Variants in SLC16A3 observed in about 807,000 individuals in gnomAD.
SLC16A3 encodes the protein monocarboxylate transporter 4.
In SLC16A3, 22 loss-of-function variants were observed where a neutral mutation model predicts 25.0. The observed-to-expected ratio is 0.88, with a 90% CI of 0.63 to 1.26. SLC16A3 has a LOEUF of 1.26. SLC16A3 is among the 50% of genes most tolerant of loss of function. SLC16A3 has a pLI of 0.00. For synonymous variants in SLC16A3, 390 were observed against 309.2 expected (o/e 1.26, Z -2.74); for missense variants, 731 against 666.6 (o/e 1.10, Z -1.06).
Position 82,237,371 on chromosome 17 carries a change from G to T in SLC16A3, c.601G>T (p.Val201Leu), listed in dbSNP as rs372377440. 904 of 1,542,242 alleles carry T rather than the reference G, an allele frequency of 5.9e-4. No individual in the cohort carries two copies. The highest frequency in any genetic ancestry group is 8.7e-4 in the Middle Eastern group (5 of 5,726). ...CVCAALMRPL[V>L]VTAQPGSGPP... is the part of the protein sequence containing the mutation. ...GTGTGCCGCACTCATGAGGCCCCTG[G>T]TGGTCACGGCCCAGCCGGGCTCGGG... The change falls in exon 4 of 5, where the codon GTG (valine) becomes TTG (leucine). Residue 201 changes from valine to leucine, a missense_variant. Transcript: ENST00000582743.
At chr17:82,226,907 C>T (rs2050425894), upstream of SLC16A3, among the ~76,000 whole-genome samples, 1 of 152,116 alleles carries the variant, frequency 6.6e-6, no homozygotes, top group African/African-American at 2.4e-5. Flanking sequence ...ACCTGGCAGG[C>T]CCCCAGCCCC....
At chr17:82,222,997 G>C (rs1227148081) in intron 1 of SLC16A3, among the ~76,000 whole-genome samples, 2 of 152,060 alleles carry the variant, frequency 1.3e-5, no homozygotes, top group African/African-American at 2.4e-5. Context: ...GGGGAAGGGG[G>C]GGTGCTGTGG....
intron 4 of SLC16A3, 93 bp from the exon 5 acceptor site, chr17:82,238,609 C>G: frequency 7.7e-7 from 1 of 1,305,572 alleles, no homozygotes; most frequent in African/African-American, 1.5e-5. Context: ...GTGACCCTTG[C>G]GTGCTGAGAC....
Position 82,238,745 on chromosome 17 carries a change from C to G in SLC16A3, c.1167C>G (p.Ile389Met). 1 of 1,612,506 alleles carries G rather than the reference C, an allele frequency of 6.2e-7. No homozygotes were observed. Among genetic ancestry groups the G allele is most frequent in the Non-Finnish European group, 8.5e-7 (1 of 1,179,870 alleles). Residue 389 changes from isoleucine (I) to methionine (M), a missense_variant, in exon 5 of 5, where the codon ATC becomes ATG. Coordinates refer to ENST00000582743, the MANE Select transcript of SLC16A3 (RefSeq NM_004207.4). ...DATHVYMYVF[I>M]LAGAEVLTSS... ...CCCACGTCTACATGTACGTGTTCAT[C>G]CTGGCGGGGGCCGAGGTGCTCACCT... is the stretch of plus-strand genomic sequence containing the variant.
rs150129067 is a variant in SLC16A3, at chr17:82,236,029, C to T, written c.21C>T (p.Asp7=). 3.0e-5 allele frequency: 48 copies of T among 1,612,134 alleles called. No individual in the cohort carries two copies. In the African/African-American group the frequency reaches 5.3e-4, roughly 18 times the overall value. Residue 7 remains aspartate (D), a synonymous_variant, in exon 2 of 5, where the codon GAC becomes GAT. Transcript: ENST00000582743. The part of the protein sequence containing the change: MGGAVV[D]EGPTGVKAPD... Reference sequence around the variant, plus strand: ...TGGCCATGGGAGGGGCCGTGGTGGACGAGGGCCCCACAGGCGTCAAGGCCC... The same window carrying T: ...TGGCCATGGGAGGGGCCGTGGTGGATGAGGGCCCCACAGGCGTCAAGGCCC...
intron 1 of SLC16A3, among the ~76,000 whole-genome samples, chr17:82,221,319 G>A (rs2050387823): frequency 6.6e-6 from 1 of 152,220 alleles, no homozygotes; most frequent in African/African-American, 2.4e-5. Flanking sequence ...CAGCATTTTG[G>A]GAGGCTGAGG....
At chr17:82,229,147 G>C (rs2050453878) in intron 1 of SLC16A3, 41 bp downstream of exon 1, 1 of 151,580 alleles carries the variant, frequency 6.6e-6, no homozygotes, top group Non-Finnish European at 1.5e-5. Flanking sequence ...CCGGGGCCCA[G>C]GAGCTCCCCC....
chr17:82,236,571 C>A, intron 2 of SLC16A3, 158 bp from the exon 3 acceptor site: 2 of 1,058,160 alleles, frequency 1.9e-6, no homozygotes, highest in Non-Finnish European at 2.7e-6. Flanking sequence ...GTCATCATGG[C>A]CTGCGCTCGG....
chr17:82,218,049 T>C (rs916714827), exon 1 of SLC16A3, among the ~76,000 whole-genome samples: 1 of 152,196 alleles, frequency 6.6e-6, no homozygotes, highest in Non-Finnish European at 1.5e-5. Context: ...TGTGCCTCCA[T>C]GTGCCAGGTT....
At chr17:82,228,101 C>T (rs547333223), upstream of SLC16A3, among the ~76,000 whole-genome samples, 677 of 152,348 alleles carry the variant, frequency 4.4e-3, 3 homozygotes, top group African/African-American at 0.015. Context: ...CCAGTTAAAG[C>T]ATTCCTGTGG....
Position 82,239,850 on chromosome 17 carries a change from T to C in SLC16A3, c.*874T>C, listed in dbSNP as rs918138112. Reference sequence around the variant, plus strand: ...GTGGTCAGTGCCCAGGGCTGGTCTTTGCACCCTGTCCTCCATCCAGCCCGG... The same window carrying C: ...GTGGTCAGTGCCCAGGGCTGGTCTTCGCACCCTGTCCTCCATCCAGCCCGG... On this transcript the variant is annotated 3_prime_UTR_variant, in exon 5 of 5. Coordinates refer to ENST00000582743, the MANE Select transcript of SLC16A3 (RefSeq NM_004207.4). 2.0e-6 allele frequency: 1 copy of C among 499,100 alleles called. No individual in the cohort carries two copies. The highest frequency in any genetic ancestry group is 3.5e-5 in the East Asian group (1 of 28,424). 30.9% of individuals were successfully genotyped at this position (499,100 alleles called of 1,614,324 possible).
At chr17:82,227,932 C>T (rs1037440933), upstream of SLC16A3, among the ~76,000 whole-genome samples, 1 of 152,200 alleles carries the variant, frequency 6.6e-6, no homozygotes, top group Non-Finnish European at 1.5e-5. Flanking sequence ...CAAGGCTGGG[C>T]TGCAGATGGA....
chr17:82,219,787 G>A (rs958706436), intron 1 of SLC16A3, among the ~76,000 whole-genome samples: 7 of 152,120 alleles, frequency 4.6e-5, no homozygotes, highest in African/African-American at 1.4e-4. Flanking sequence ...CATGGGCTGC[G>A]CTGTTCCCAC....
intron 1 of SLC16A3, chr17:82,230,983 C>G (rs1280950481): frequency 1.3e-5 from 2 of 152,282 alleles, no homozygotes; most frequent in Admixed American, 6.5e-5. Context: ...TCGGCCCCGC[C>G]CTGTGGCTTC....
At chr17:82,235,455 C>A in intron 1 of SLC16A3, 1 of 163,302 alleles carries the variant, frequency 6.1e-6, no homozygotes, top group Admixed American at 5.7e-5. Context: ...TCCACTGAAG[C>A]CAAAGTGGGC....
intron 2 of SLC16A3, 115 bp from the exon 3 acceptor site, chr17:82,236,614 G>A (rs1352459056): frequency 8.9e-6 from 13 of 1,454,598 alleles, no homozygotes; most frequent in South Asian, 2.5e-5. Flanking sequence ...CTGGTGCCCC[G>A]CGGGGGGAGG....
chr17:82,234,169 T>A (rs1044800096), intron 1 of SLC16A3: 2 of 152,254 alleles, frequency 1.3e-5, no homozygotes, highest in Non-Finnish European at 2.9e-5. Context: ...TATCTTGTAG[T>A]TACCCTGCTG....
rs933127280 is a variant in SLC16A3, at chr17:82,237,197, A to C, written c.427A>C (p.Lys143Gln). ...CATCATGCTGAACCGCTACTTCAGC[A>C]AGCGGCGCCCCATGGCCAACGGGCT... is the stretch of plus-strand genomic sequence containing the variant. Reference protein sequence around the residue: ...SLIMLNRYFSKRRPMANGLAA... With the variant: ...SLIMLNRYFSQRRPMANGLAA... The change falls in exon 4 of 5, where the codon AAG becomes CAG. Residue 143 changes from lysine to glutamine, a missense_variant. Physicochemically the swap from Lys to Gln is moderately conservative, Grantham distance 53. Coordinates refer to ENST00000582743, the MANE Select transcript of SLC16A3 (RefSeq NM_004207.4). The C allele has an allele frequency of 1.3e-6, 2 of 1,531,958 alleles. No individual in the cohort carries two copies. The highest frequency in any genetic ancestry group is 4.2e-5 in the Admixed American group (2 of 47,086). 94.9% of individuals were successfully genotyped at this position (1,531,958 alleles called of 1,614,324 possible). A position where few individuals can be genotyped will look rare whatever the true frequency, so the allele number is the denominator to read the frequency against.
chr17:82,230,551 T>C (rs1377677005), intron 1 of SLC16A3: 2 of 152,660 alleles, frequency 1.3e-5, no homozygotes, highest in Non-Finnish European at 1.5e-5. Flanking sequence ...AGCCCAGCCG[T>C]CAGGCCGGAC....
Sources: gnomAD v4.1 joint callset for allele counts (sites outside exome capture counted in the v4.1 genomes callset) on GRCh38, gnomAD v4.1.1 for gene constraint, MANE v1.5 for transcripts, NCBI Gene and HGNC (gene_info 2026-07-23, HGNC 2026-07-21) for gene names.